The following SLC26A4 variants were observed in gnomAD, a reference collection of about 807,000 sequenced individuals.
The protein encoded by SLC26A4 is solute carrier family 26 member 4, also known as pendrin.
In SLC26A4, 93 loss-of-function variants were observed where a neutral mutation model predicts 90.4. The observed-to-expected ratio is 1.03, with a 90% CI of 0.87 to 1.22. The LOEUF (loss-of-function observed/expected upper bound fraction) is 1.22, where lower values mean the gene tolerates loss of function less well. Among genes scored for constraint, SLC26A4 ranks in the 50% most tolerant of loss-of-function variants. The pLI, the probability that SLC26A4 is intolerant of heterozygous loss-of-function variation, is 0.00. For missense variants in SLC26A4, 1,127 were observed against 946.2 expected (o/e 1.19, Z -2.51); for synonymous variants, 393 against 354.6 (o/e 1.11, Z -1.22).
At position 107,710,060 on chromosome 7, in the gene SLC26A4, T is replaced by C; in HGVS notation, c.2096T>C (p.Val699Ala). Reference protein sequence around the residue: ...NVYFASLQDYVIEKLEQCGFF... With the variant: ...NVYFASLQDYAIEKLEQCGFF... ...TTGTGTCTTTCTTTTGAAGATTATG[T>C]GATAGAAAAGCTGGAGCAATGCGGG... Residue 699 changes from valine to alanine, a missense_variant, in exon 19 of 21, where the codon GTG (valine) becomes GCG (alanine). Physicochemically the swap from Val to Ala is moderately conservative, Grantham distance 64. Coordinates refer to ENST00000644269, the MANE Select transcript of SLC26A4 (RefSeq NM_000441.2). 6.2e-7 allele frequency: 1 copy of C among 1,613,032 alleles called. No individual in the cohort carries two copies. Among genetic ancestry groups the C allele is most frequent in the Non-Finnish European group, 8.5e-7 (1 of 1,179,052 alleles).
Position 107,661,715 on chromosome 7 carries a change from C to T in SLC26A4, c.74C>T (p.Pro25Leu), listed in dbSNP as rs367907345. 7.0e-6 allele frequency: 11 copies of T among 1,563,384 alleles called. No homozygotes were observed. The African/African-American group carries it at 9.4e-5, about 13-fold the overall frequency. The change falls in exon 2 of 21, where the codon CCG becomes CTG. Residue 25 changes from proline (P) to leucine (L), a missense_variant. Pro to Leu is a moderately conservative substitution (Grantham distance 98, BLOSUM62 -3). Coordinates refer to ENST00000644269, the MANE Select transcript of SLC26A4 (RefSeq NM_000441.2). The surrounding 1 kb of genome is among the most constrained non-coding windows in gnomAD (Gnocchi z 5.1). ...EYSCSYMVSR[P>L]VYSELAFQQQ... ...AGCTGCAGCTACATGGTGTCGCGGCCGGTCTACAGCGAGCTCGCTTTCCAG... is the reference window on the plus strand; with the variant it reads ...AGCTGCAGCTACATGGTGTCGCGGCTGGTCTACAGCGAGCTCGCTTTCCAG...
At chr7:107,701,007 A>G (rs1015711760) in intron 15 of SLC26A4, 94 bp from the exon 16 acceptor site, 2 of 805,348 alleles carry the variant, frequency 2.5e-6, no homozygotes, top group South Asian at 2.8e-5. Context: ...TCAAGGAATT[A>G]TACCCTTTGA....
At chr7:107,696,900 G>A (rs1350497657) in intron 13 of SLC26A4, among the ~76,000 whole-genome samples, 1 of 152,150 alleles carries the variant, frequency 6.6e-6, no homozygotes, top group Admixed American at 6.5e-5. Flanking sequence ...GGCCGTGAAA[G>A]AAGAAGACAC....
intron 6 of SLC26A4, among the ~76,000 whole-genome samples, chr7:107,675,718 C>A (rs913326475): frequency 1.3e-5 from 2 of 151,742 alleles, no homozygotes; most frequent in African/African-American, 4.8e-5. Flanking sequence ...GGATTACAGG[C>A]GCCCGCCACC....
At position 107,715,413 on chromosome 7, in the gene SLC26A4, G is replaced by T. The variant is rs1017299154; in HGVS notation, c.2320-10G>T. The T allele has an allele frequency of 6.2e-7, 1 of 1,611,970 alleles. No homozygotes were observed. The highest frequency in any genetic ancestry group is 8.5e-7 in the Non-Finnish European group (1 of 1,178,238). The stretch of plus-strand genomic sequence containing the variant: ...TGTATCAACACTTTGTTTTCCCCTT[G>T]CTTCCACAGGCTATGCGTACACTTG... On this transcript the variant is annotated splice_polypyrimidine_tract_variant and intron_variant, in intron 20 of 20. Transcript: ENST00000644269.
rs2129309208 is a variant in SLC26A4, at chr7:107,663,415, G to A, written c.284G>A (p.Gly95Glu). 1 of 1,614,064 alleles carries A rather than the reference G, an allele frequency of 6.2e-7. No individual in the cohort carries two copies. The highest frequency in any genetic ancestry group is 1.1e-5 in the South Asian group (1 of 91,082). ...LSDVISGVST[G>E]LVATLQGMAY... is the part of the protein sequence containing the mutation. ...GACGTCATTTCGGGAGTTAGTACTG[G>A]GCTAGTGGCCACGCTGCAAGGTAAG... Residue 95 changes from glycine to glutamate, a missense_variant, in exon 3 of 21, where the codon GGG becomes GAG. Physicochemically the swap from Gly to Glu is moderately conservative, Grantham distance 98 (BLOSUM62 -2). Transcript: ENST00000644269.
At chr7:107,686,314 C>CT (rs1166855739) in intron 8 of SLC26A4, among the ~76,000 whole-genome samples, 83 of 146,680 alleles carry the variant, frequency 5.7e-4, no homozygotes, top group African/African-American at 1.5e-3. Flanking sequence ...CCTTCCCTCC[C>CT]TTCCCTCCCT....
rs80338848 is a variant in SLC26A4, at chr7:107,675,051, T to C, written c.707T>C (p.Leu236Pro). 762 of 1,613,988 alleles carry C rather than the reference T, an allele frequency of 4.7e-4. No homozygotes were observed. The highest frequency in any genetic ancestry group is 6.2e-4 in the Non-Finnish European group (736 of 1,179,966). ...AAAFQVLVSQ[L>P]KIVLNVSTKN... ...GCCTTCCAAGTGCTGGTCTCACAGC[T>C]AAAGATTGTCCTCAATGTTTCAACC... The change falls in exon 6 of 21, where the codon CTA becomes CCA. Residue 236 changes from leucine to proline, a missense_variant. Physicochemically the swap from Leu to Pro is moderately conservative, Grantham distance 98. Coordinates refer to ENST00000644269, the MANE Select transcript of SLC26A4 (RefSeq NM_000441.2).
Position 107,698,116 on chromosome 7 carries a change from G to A in SLC26A4, c.1614+5G>A, listed in dbSNP as rs1246149309. 2 of 1,584,416 alleles carry A rather than the reference G, an allele frequency of 1.3e-6. No homozygotes were observed. Among genetic ancestry groups the A allele is most frequent in the East Asian group, 2.2e-5 (1 of 44,726 alleles). On this transcript the variant is annotated splice_donor_5th_base_variant and intron_variant, in intron 14 of 20. Transcript: ENST00000644269. ...AGTACCAAGAATTACAAAAACGTAA[G>A]TACCTTTGTGAGACATTTGCTGGAC... is the stretch of plus-strand genomic sequence containing the variant.
At chr7:107,679,869 C>T (rs983064031) in intron 6 of SLC26A4, among the ~76,000 whole-genome samples, 1 of 129,448 alleles carries the variant, frequency 7.7e-6, no homozygotes, top group Non-Finnish European at 1.6e-5. Flanking sequence ...ATTATATAAT[C>T]TTATATTATA....
At position 107,701,165 on chromosome 7, in the gene SLC26A4, T is replaced by A. The variant is rs745877445; in HGVS notation, c.1772T>A (p.Leu591Gln). The A allele has an allele frequency of 6.2e-7, 1 of 1,608,442 alleles. No individual in the cohort carries two copies. The highest frequency in any genetic ancestry group is 8.5e-7 in the Non-Finnish European group (1 of 1,174,908). Reference sequence around the variant, plus strand: ...AAAGCGCTGAGGAAAATACAGAAACTAATAAAAAGTGGACAATTAAGAGCA... The same window carrying A: ...AAAGCGCTGAGGAAAATACAGAAACAAATAAAAAGTGGACAATTAAGAGCA... ...RLKALRKIQK[L>Q]IKSGQLRATK... Residue 591 changes from leucine (L) to glutamine (Q), a missense_variant, in exon 16 of 21, where the codon CTA becomes CAA. By Grantham distance (113) the Leu-to-Gln change is moderately radical. Transcript: ENST00000644269.
intron 17 of SLC26A4, 148 bp downstream of exon 17, chr7:107,702,205 C>G (rs1319637876): frequency 1.4e-6 from 1 of 701,692 alleles, no homozygotes; most frequent in East Asian, 2.7e-5. Flanking sequence ...TATTTTAAAG[C>G]ATAGGCTCTG....
rs1000100319 is a variant in SLC26A4 at position 107,699,149 on chromosome 7, A to AT, written c.1615-927dup. On this transcript the variant is annotated intron_variant, in intron 14 of 20. Coordinates refer to ENST00000644269, the MANE Select transcript of SLC26A4 (RefSeq NM_000441.2). ...CATTAAGAGCTAAAATGATTTAGAG[A>AT]TTTTTTTGGCTTTGGGGAGGGAGCT... 3.3e-5 allele frequency among the ~76,000 whole-genome samples: 5 copies of AT among 152,144 alleles called. No individual in the cohort carries two copies. In the East Asian group the frequency reaches 7.7e-4, roughly 24 times the overall value.
intron 13 of SLC26A4, among the ~76,000 whole-genome samples, chr7:107,696,735 A>C (rs1241960974): frequency 6.6e-6 from 1 of 152,136 alleles, no homozygotes; most frequent in Non-Finnish European, 1.5e-5. Context: ...GAAGGTGAGG[A>C]GCCTGAAGGT....
chr7:107,679,956 T>C (rs1791149277), intron 6 of SLC26A4, among the ~76,000 whole-genome samples: 1 of 124,774 alleles, frequency 8.0e-6, no homozygotes. Flanking sequence ...TCTTATATAA[T>C]ATAATCTTAT....
At chr7:107,685,871 T>G (rs1791382615) in intron 8 of SLC26A4, among the ~76,000 whole-genome samples, 1 of 152,210 alleles carries the variant, frequency 6.6e-6, no homozygotes, top group South Asian at 2.1e-4. Flanking sequence ...TGTGTCTGTG[T>G]GTATGTGTGT....
intron 13 of SLC26A4, among the ~76,000 whole-genome samples, chr7:107,697,456 C>T (rs1791771474): frequency 6.6e-6 from 1 of 152,188 alleles, no homozygotes; most frequent in Non-Finnish European, 1.5e-5. Flanking sequence ...TTTAGCATGT[C>T]TCTAGTCACA....
chr7:107,693,314 A>G (rs1791630429), intron 10 of SLC26A4: 2 of 985,318 alleles, frequency 2.0e-6, no homozygotes, highest in South Asian at 9.4e-5. Context: ...CACGCTTTTT[A>G]GTACCTCATA....
intron 3 of SLC26A4, among the ~76,000 whole-genome samples, chr7:107,666,776 G>T (rs1338653755): frequency 1.3e-5 from 2 of 152,220 alleles, no homozygotes; most frequent in East Asian, 1.9e-4. Flanking sequence ...GCAGGACTGG[G>T]ATTAGGATGA....
Sources: gnomAD v4.1 joint callset for allele counts (sites outside exome capture counted in the v4.1 genomes callset) on GRCh38, gnomAD v4.1.1 for gene constraint, Gnocchi (gnomAD v3.1) non-coding constraint, MANE v1.5 for transcripts, NCBI Gene and HGNC (gene_info 2026-07-23, HGNC 2026-07-21) for gene names.